Variants in CCBE1 observed in about 807,000 individuals in gnomAD.
CCBE1 encodes the protein collagen and calcium binding EGF domains 1, also known as collagen and calcium-binding EGF domain-containing protein 1.
A neutral mutation model predicts 50.0 loss-of-function variants in CCBE1; 37 were observed. That is an observed-to-expected ratio of 0.74 (90% CI 0.57 to 0.97). The LOEUF is 0.97. Ranked by LOEUF, CCBE1 falls within the 50% of genes least tolerant of loss-of-function variation. The probability of loss-of-function intolerance (pLI) is 0.00; values close to 1 mark genes in which losing one functional copy is unlikely to be tolerated. For missense variants in CCBE1, 538 were observed against 523.8 expected (o/e 1.03, Z -0.26); for synonymous variants, 234 against 203.7 (o/e 1.15, Z -1.27).
At chr18:59,545,780 A>T (rs749621370) in intron 2 of CCBE1, among the ~76,000 whole-genome samples, 5 of 152,144 alleles carry the variant, frequency 3.3e-5, no homozygotes, top group African/African-American at 7.2e-5. Context: ...TGACGGTTTT[A>T]TCAGGGGGTT....
At chr18:59,567,979 AT>A (rs1302264733) in intron 2 of CCBE1, among the ~76,000 whole-genome samples, 8 of 152,042 alleles carry the variant, frequency 5.3e-5, no homozygotes, top group Non-Finnish European at 1.0e-4. Context: ...TTGCTCATAG[AT>A]TTTTAGAAAT....
intron 2 of CCBE1, among the ~76,000 whole-genome samples, chr18:59,656,945 T>A (rs1340078576): frequency 1.3e-5 from 2 of 152,056 alleles, no homozygotes; most frequent in African/African-American, 2.4e-5. Context: ...GCTAAGAAGA[T>A]GAATATAGGG....
At chr18:59,484,184 T>G (rs1286294721) in intron 2 of CCBE1, among the ~76,000 whole-genome samples, 1 of 152,122 alleles carries the variant, frequency 6.6e-6, no homozygotes, top group East Asian at 1.9e-4. Context: ...TCACTAAAAT[T>G]TTACGGTTAT....
chr18:59,601,698 A>G (rs2053436769), intron 2 of CCBE1, among the ~76,000 whole-genome samples: 1 of 152,188 alleles, frequency 6.6e-6, no homozygotes, highest in Admixed American at 6.6e-5. Context: ...GCCCAGCCCC[A>G]GATTTCTTTT....
chr18:59,546,957 T>C (rs907026372), intron 2 of CCBE1, among the ~76,000 whole-genome samples: 17 of 150,452 alleles, frequency 1.1e-4, no homozygotes, highest in Admixed American at 4.7e-4. Flanking sequence ...TAGTAAAATA[T>C]TGTAAAAGCC....
intron 2 of CCBE1, among the ~76,000 whole-genome samples, chr18:59,648,281 G>A (rs950833525): frequency 6.6e-6 from 1 of 152,228 alleles, no homozygotes; most frequent in African/African-American, 2.4e-5. Context: ...AACTGAGCCA[G>A]CCAGAGCTGC....
chr18:59,488,841 T>C (rs984363765), intron 2 of CCBE1, among the ~76,000 whole-genome samples: 1 of 152,124 alleles, frequency 6.6e-6, no homozygotes, highest in Non-Finnish European at 1.5e-5. Flanking sequence ...CAACAGCACA[T>C]GTAAAAAGAC....
At chr18:59,592,292 A>C (rs2053282678) in intron 2 of CCBE1, among the ~76,000 whole-genome samples, 1 of 152,230 alleles carries the variant, frequency 6.6e-6, no homozygotes, top group African/African-American at 2.4e-5. Flanking sequence ...ATATTAAACA[A>C]ATGAATTTTG....
At chr18:59,642,079 CA>C (rs1419402222) in intron 2 of CCBE1, among the ~76,000 whole-genome samples, 2 of 151,526 alleles carry the variant, frequency 1.3e-5, no homozygotes, top group South Asian at 2.1e-4. Context: ...TTTTTTTCAT[CA>C]AAAAAACACC....
intron 2 of CCBE1, among the ~76,000 whole-genome samples, chr18:59,536,191 A>G (rs1915241904): frequency 6.6e-6 from 1 of 152,194 alleles, no homozygotes; most frequent in Admixed American, 6.5e-5. Context: ...TAATAGTGAA[A>G]CTTTGATCAA....
chr18:59,675,682 A>G (rs180938367), intron 2 of CCBE1, among the ~76,000 whole-genome samples: 5 of 152,338 alleles, frequency 3.3e-5, no homozygotes, highest in African/African-American at 1.2e-4. Context: ...ATCAGAGAGC[A>G]GAGAAGGTTG....
At chr18:59,596,824 C>G (rs993397160) in intron 2 of CCBE1, among the ~76,000 whole-genome samples, 2 of 152,174 alleles carry the variant, frequency 1.3e-5, no homozygotes, top group African/African-American at 4.8e-5. Flanking sequence ...ATCACGTCGT[C>G]AAAACTTTTG....
intron 2 of CCBE1, among the ~76,000 whole-genome samples, chr18:59,595,160 AG>A (rs2053333305): frequency 6.6e-6 from 1 of 150,828 alleles, no homozygotes. Context: ...GGTTACCAAA[AG>A]CTTGAAGTTG....
At chr18:59,697,667 T>A (rs370602157), upstream of CCBE1, 11 of 316,504 alleles carry the variant, frequency 3.5e-5, no homozygotes, top group East Asian at 8.2e-4. Flanking sequence ...GGACTCGGCT[T>A]GGGGCTGCGC....
intron 2 of CCBE1, among the ~76,000 whole-genome samples, chr18:59,522,688 G>A (rs1478504238): frequency 6.6e-6 from 1 of 152,152 alleles, no homozygotes; most frequent in Non-Finnish European, 1.5e-5. Flanking sequence ...AGCCCCAGCT[G>A]GGAATTAAAT....
chr18:59,533,443 C>A (rs1010518980), intron 2 of CCBE1, among the ~76,000 whole-genome samples: 1 of 152,124 alleles, frequency 6.6e-6, no homozygotes, highest in African/African-American at 2.4e-5. Flanking sequence ...AAAGAGAACA[C>A]TTTTTCTTGT....
intron 2 of CCBE1, among the ~76,000 whole-genome samples, chr18:59,571,342 C>A (rs922603887): frequency 6.6e-6 from 1 of 152,008 alleles, no homozygotes; most frequent in Non-Finnish European, 1.5e-5. Context: ...ATGGATGAAG[C>A]TGGAAACCAT....
intron 2 of CCBE1, among the ~76,000 whole-genome samples, chr18:59,678,652 C>T (rs578145776): frequency 2.0e-5 from 3 of 151,240 alleles, no homozygotes; most frequent in African/African-American, 7.4e-5. Flanking sequence ...CCTGCCTCAG[C>T]CTCCTGAGTA....
At chr18:59,542,674 A>G (rs1915515665) in intron 2 of CCBE1, among the ~76,000 whole-genome samples, 3 of 152,232 alleles carry the variant, frequency 2.0e-5, no homozygotes, top group Admixed American at 6.5e-5. Flanking sequence ...TACCACTGCT[A>G]AAATGTGCCT....
Sources: allele counts gnomAD v4.1 joint callset (sites outside exome capture counted in the v4.1 genomes callset), GRCh38; gene constraint gnomAD v4.1.1; transcripts MANE v1.5; gene names NCBI Gene and HGNC (gene_info 2026-07-23, HGNC 2026-07-21).